The following DNAI1 variants were observed in gnomAD, a reference collection of about 807,000 sequenced individuals.
DNAI1 encodes the protein dynein axonemal intermediate chain 1.
In DNAI1, 67 loss-of-function variants were observed where a neutral mutation model predicts 92.0. The ratio of observed to expected loss-of-function variants is 0.73; its 90% CI spans 0.60 to 0.89. DNAI1 has a LOEUF of 0.89. Ranked by LOEUF, DNAI1 falls within the 40% of genes least tolerant of loss-of-function variation. DNAI1 has a pLI of 0.00. For missense variants in DNAI1, 839 were observed against 866.6 expected (o/e 0.97, Z 0.40); for synonymous variants, 323 against 319.6 (o/e 1.01, Z -0.11).
intron 3 of DNAI1, 78 bp from the exon 4 acceptor site, chr9:34,485,359 C>A (rs1824449608): frequency 6.3e-7 from 1 of 1,584,748 alleles, no homozygotes; most frequent in Non-Finnish European, 8.7e-7. Context: ...TCTGCTGATA[C>A]TCTGAGGGAT....
At chr9:34,491,299 G>A (rs1019416155) in intron 7 of DNAI1, 196 bp from the exon 8 acceptor site, 3 of 649,860 alleles carry the variant, frequency 4.6e-6, no homozygotes, top group Non-Finnish European at 8.3e-6. Flanking sequence ...TTCTTCTGAA[G>A]GAGGCCAGAA....
intron 18 of DNAI1, among the ~76,000 whole-genome samples, chr9:34,515,301 A>C (rs151295110): frequency 6.6e-6 from 1 of 152,228 alleles, no homozygotes. Flanking sequence ...GGCTGCCCCA[A>C]GGAAAGAATG....
chr9:34,514,976 G>A (rs1825146422), intron 18 of DNAI1, among the ~76,000 whole-genome samples: 1 of 152,236 alleles, frequency 6.6e-6, no homozygotes, highest in African/African-American at 2.4e-5. Context: ...AAAGCACTCT[G>A]GGGGATGAGA....
intron 13 of DNAI1, among the ~76,000 whole-genome samples, chr9:34,511,615 A>G (rs1825066045): frequency 6.6e-6 from 1 of 152,230 alleles, no homozygotes; most frequent in Non-Finnish European, 1.5e-5. Flanking sequence ...CGAATACTTC[A>G]TATGTGCAAT....
In DNAI1 at chr9:34,483,457, A is replaced by G; in HGVS notation, c.58A>G (p.Ile20Val). The G allele has an allele frequency of 1.2e-6, 2 of 1,612,388 alleles. No homozygotes were observed. Among genetic ancestry groups the G allele is most frequent in the Non-Finnish European group, 1.7e-6 (2 of 1,179,786 alleles). The change falls in exon 2 of 20, where the codon ATA (isoleucine) becomes GTA (valine). Residue 20 changes from isoleucine (I) to valine (V), a missense_variant. Transcript: ENST00000242317. Reference protein sequence around the residue: ...HKQPHKQSISIGRGTRKRDED... With the variant: ...HKQPHKQSISVGRGTRKRDED... ...TCTGTTCTTCATTTAGAGCATCAGCATAGGCAGAGGAACCAGGAAGAGAGT... is the reference window on the plus strand; with the variant it reads ...TCTGTTCTTCATTTAGAGCATCAGCGTAGGCAGAGGAACCAGGAAGAGAGT...
At chr9:34,498,577 G>C (rs192055241) in intron 10 of DNAI1, among the ~76,000 whole-genome samples, 6 of 152,350 alleles carry the variant, frequency 3.9e-5, no homozygotes, top group African/African-American at 1.4e-4. Context: ...TGGGGGCCTG[G>C]GAAATTCTGG....
At chr9:34,491,424 AG>A in intron 7 of DNAI1, 70 bp from the exon 8 acceptor site, 2 of 1,560,052 alleles carry the variant, frequency 1.3e-6, no homozygotes, top group Non-Finnish European at 1.8e-6. Flanking sequence ...CTTCTCTCAA[AG>A]ATATACTGTT....
intron 8 of DNAI1, 128 bp from the exon 9 acceptor site, chr9:34,493,066 C>A (rs2132065105): frequency 7.9e-7 from 1 of 1,259,084 alleles, no homozygotes; most frequent in Non-Finnish European, 1.2e-6. Flanking sequence ...CTAATTCCAA[C>A]AGGCCAAGTA....
intron 12 of DNAI1, among the ~76,000 whole-genome samples, chr9:34,503,680 T>C (rs1824874223): frequency 1.3e-5 from 2 of 151,842 alleles, no homozygotes; most frequent in African/African-American, 4.8e-5. Flanking sequence ...AACAAGCAGG[T>C]AGAGAAAAGG....
chr9:34,506,622 G>T lies in DNAI1; in HGVS notation c.1064-5G>T. On this transcript the variant is annotated splice_region_variant and splice_polypyrimidine_tract_variant and intron_variant, in intron 12 of 19. Transcript: ENST00000242317. Reference sequence around the variant, plus strand: ...CAACCTCAGCCGCCCATCTTCCCTGGGTAGATGACTTCATGAAGCAGAGCC... The same window carrying T: ...CAACCTCAGCCGCCCATCTTCCCTGTGTAGATGACTTCATGAAGCAGAGCC... 1.2e-6 allele frequency: 2 copies of T among 1,614,116 alleles called. No individual in the cohort carries two copies. Among genetic ancestry groups the T allele is most frequent in the Non-Finnish European group, 1.7e-6 (2 of 1,180,032 alleles).
At chr9:34,488,694 A>G (rs992352575) in intron 4 of DNAI1, among the ~76,000 whole-genome samples, 4 of 152,216 alleles carry the variant, frequency 2.6e-5, no homozygotes, top group Admixed American at 2.0e-4. Flanking sequence ...TCTCAGCTTT[A>G]TATCCCAGGC....
In DNAI1 at chr9:34,493,326, C is replaced by T. The variant is rs1267340723; in HGVS notation, c.814C>T (p.Gln272Ter). The change falls in exon 9 of 20, where the codon CAG (glutamine) becomes TAG (stop). Residue 272 changes from glutamine (Q) to a stop codon, truncating the protein, a stop_gained and splice_region_variant. Transcript: ENST00000242317. LOFTEE classifies it high-confidence loss of function. ...GAGGAAGCTGACATCTATGGAGTCT[C>T]AGGTTTGGTGTTAGTTCCTACAGCT... ...AMRKLTSMES[Q>*]TDDLIKLSQA... The T allele has an allele frequency of 1.9e-6, 3 of 1,613,932 alleles. No individual in the cohort carries two copies. The highest frequency in any genetic ancestry group is 2.5e-6 in the Non-Finnish European group (3 of 1,179,928).
chr9:34,489,196 G>A (rs1824531261), intron 4 of DNAI1, 127 bp from the exon 5 acceptor site: 5 of 1,106,818 alleles, frequency 4.5e-6, no homozygotes, highest in Admixed American at 3.4e-5. Context: ...ATTAACTGAG[G>A]ATTTGGTGAG....
chr9:34,473,703 G>T (rs1182071640), intron 1 of DNAI1, among the ~76,000 whole-genome samples: 1 of 152,046 alleles, frequency 6.6e-6, no homozygotes, highest in East Asian at 1.9e-4. Context: ...TTGGTTGGTT[G>T]GTTGGTTGGT....
chr9:34,459,001 T>A lies in DNAI1; in HGVS notation c.-5T>A, dbSNP rs1320490499. ...GAGCGTTTTGTAGGCTCTCCAGGGGTTGAGATGATTCCTGCTTCTGCGAAG... is the reference window on the plus strand; with the variant it reads ...GAGCGTTTTGTAGGCTCTCCAGGGGATGAGATGATTCCTGCTTCTGCGAAG... On this transcript the variant is annotated 5_prime_UTR_variant, in exon 1 of 20. It adds an upstream start codon to the 5' untranslated region. Transcript: ENST00000242317. 1 of 1,614,072 alleles carries A rather than the reference T, an allele frequency of 6.2e-7. No homozygotes were observed. The highest frequency in any genetic ancestry group is 8.5e-7 in the Non-Finnish European group (1 of 1,179,944).
intron 8 of DNAI1, among the ~76,000 whole-genome samples, chr9:34,492,218 A>G (rs1434243465): frequency 1.3e-5 from 2 of 151,946 alleles, no homozygotes; most frequent in Non-Finnish European, 1.5e-5. Context: ...GGGGGGAGTT[A>G]TTAAATGTAA....
At chr9:34,479,515 C>T (rs1824300455) in intron 1 of DNAI1, among the ~76,000 whole-genome samples, 1 of 152,172 alleles carries the variant, frequency 6.6e-6, no homozygotes, top group Non-Finnish European at 1.5e-5. Flanking sequence ...AACAATTACA[C>T]TCAAATTGCC....
At chr9:34,513,080 G>A in intron 15 of DNAI1, 32 bp from the exon 16 acceptor site, 1 of 1,592,356 alleles carries the variant, frequency 6.3e-7, no homozygotes, top group Non-Finnish European at 8.6e-7. Context: ...TCTTGGAACT[G>A]GGCTAAGCCT....
chr9:34,506,779 G>A lies in DNAI1; in HGVS notation c.1216G>A (p.Gly406Ser), dbSNP rs769177784. The A allele has an allele frequency of 5.6e-6, 9 of 1,614,130 alleles. No individual in the cohort carries two copies. The highest frequency in any genetic ancestry group is 1.7e-5 in the Admixed American group (1 of 60,032). ...PYLVAVGHYD[G>S]NVAIYNLKKP... is the part of the protein sequence containing the mutation. ...CCTGGTGGCAGTAGGCCACTATGAC[G>A]GCAACGTGGCCATTTACAACCTCAA... The change falls in exon 13 of 20, where the codon GGC becomes AGC. Residue 406 changes from glycine (G) to serine (S), a missense_variant. Physicochemically the swap from Gly to Ser is moderately conservative, Grantham distance 56. Coordinates refer to ENST00000242317, the MANE Select transcript of DNAI1 (RefSeq NM_012144.4).
Sources: gnomAD v4.1 joint callset for allele counts (sites outside exome capture counted in the v4.1 genomes callset) on GRCh38, gnomAD v4.1.1 for gene constraint, MANE v1.5 for transcripts, NCBI Gene and HGNC (gene_info 2026-07-23, HGNC 2026-07-21) for gene names.